Variants in RALGAPA2 observed in about 807,000 individuals in gnomAD.
The protein encoded by RALGAPA2 is ral GTPase-activating protein subunit alpha-2.
Under a neutral mutation model 230.4 loss-of-function variants are expected in RALGAPA2, and 139 were observed. The ratio of observed to expected loss-of-function variants is 0.60; its 90% CI spans 0.53 to 0.69. RALGAPA2 has a LOEUF of 0.69. RALGAPA2 is among the 30% of genes least tolerant of loss of function. The probability of loss-of-function intolerance (pLI) is 0.00; values close to 1 mark genes in which losing one functional copy is unlikely to be tolerated. For synonymous variants in RALGAPA2, 847 were observed against 837.8 expected, an observed-to-expected ratio of 1.01 and a Z score of -0.19; for missense variants, 2,163 against 2,276.0, an observed-to-expected ratio of 0.95 and a Z score of 1.01.
intron 23 of RALGAPA2, among the ~76,000 whole-genome samples, chr20:20,565,492 A>G (rs1242424781): frequency 2.0e-5 from 3 of 152,164 alleles, no homozygotes; most frequent in Non-Finnish European, 4.4e-5. Context: ...GAGGGGCCTC[A>G]TGGGATCTTT....
At chr20:20,704,358 T>C (rs925361618) in intron 1 of RALGAPA2, among the ~76,000 whole-genome samples, 5 of 152,096 alleles carry the variant, frequency 3.3e-5, no homozygotes, top group Non-Finnish European at 7.4e-5. Flanking sequence ...CCTCCAGTTC[T>C]AAAAAAATAT....
chr20:20,399,271 G>A (rs2059782350), intron 38 of RALGAPA2, among the ~76,000 whole-genome samples: 1 of 151,690 alleles, frequency 6.6e-6, no homozygotes, highest in Admixed American at 6.6e-5. Context: ...CGCTTGAACT[G>A]GGGAGGTGGT....
intron 11 of RALGAPA2, 62 bp from the exon 12 acceptor site, chr20:20,619,476 T>C (rs2066256202): frequency 2.5e-6 from 3 of 1,202,666 alleles, no homozygotes; most frequent in Non-Finnish European, 3.2e-6. Flanking sequence ...TGCATTTAAC[T>C]ATAAATATAA....
intron 16 of RALGAPA2, among the ~76,000 whole-genome samples, chr20:20,599,852 A>C (rs1018903576): frequency 6.6e-6 from 1 of 152,136 alleles, no homozygotes; most frequent in Non-Finnish European, 1.5e-5. Flanking sequence ...GCATGCCTGT[A>C]ATCCCAGCTA....
rs1471167451 is a variant in RALGAPA2, at chr20:20,637,680, TCAAAA to T, written c.667-184_667-180del. ...TCAAAAGATGGCAGGAATGAATACT[TCAAAA>T]CAAAACAGTAACTATGTTAAAAACA... On this transcript the variant is annotated intron_variant, in intron 7 of 39. Transcript: ENST00000202677. Among the ~76,000 whole-genome samples the T allele has an allele frequency of 7.2e-5, 11 of 152,216 alleles. No individual in the cohort carries two copies. In the South Asian group the frequency reaches 2.1e-3, roughly 29 times the overall value.
At chr20:20,580,898 T>C (rs1459955633) in intron 20 of RALGAPA2, among the ~76,000 whole-genome samples, 1 of 152,244 alleles carries the variant, frequency 6.6e-6, no homozygotes, top group Admixed American at 6.5e-5. Flanking sequence ...GAAACAAAGA[T>C]ATAATCAAAT....
intron 23 of RALGAPA2, among the ~76,000 whole-genome samples, chr20:20,568,286 A>T (rs1336714020): frequency 6.6e-6 from 1 of 152,248 alleles, no homozygotes; most frequent in Non-Finnish European, 1.5e-5. Context: ...ATCAACCACG[A>T]ACCCATGTTA....
intron 31 of RALGAPA2, among the ~76,000 whole-genome samples, chr20:20,520,437 G>C (rs1468980271): frequency 1.3e-5 from 2 of 152,178 alleles, no homozygotes; most frequent in African/African-American, 2.4e-5. Context: ...GCTATGAGCA[G>C]AGCAAATCTA....
At chr20:20,454,493 T>TG (rs1602413070) in intron 37 of RALGAPA2, among the ~76,000 whole-genome samples, 1 of 152,216 alleles carries the variant, frequency 6.6e-6, no homozygotes, top group East Asian at 1.9e-4. Context: ...TTTGCTTTCT[T>TG]CAGATCAGCC....
At chr20:20,690,995 T>C (rs755657671) in intron 1 of RALGAPA2, among the ~76,000 whole-genome samples, 2 of 152,164 alleles carry the variant, frequency 1.3e-5, no homozygotes, top group Non-Finnish European at 2.9e-5. Context: ...CATTTATATA[T>C]ATGATGCCTG....
At chr20:20,500,389 T>C (rs890559423) in intron 35 of RALGAPA2, among the ~76,000 whole-genome samples, 5 of 152,214 alleles carry the variant, frequency 3.3e-5, no homozygotes, top group African/African-American at 9.7e-5. Flanking sequence ...TCTAAATCTT[T>C]TGTTGTAATT....
At chr20:20,623,124 C>T (rs918510504) in intron 10 of RALGAPA2, among the ~76,000 whole-genome samples, 1 of 152,156 alleles carries the variant, frequency 6.6e-6, no homozygotes, top group African/African-American at 2.4e-5. Context: ...TAAAACCTAA[C>T]AGCAGTTGCT....
intron 3 of RALGAPA2, among the ~76,000 whole-genome samples, chr20:20,661,824 T>G (rs1778078906): frequency 6.6e-6 from 1 of 152,082 alleles, no homozygotes; most frequent in African/African-American, 2.4e-5. Flanking sequence ...CAAAGCAATA[T>G]TAATATCAAG....
intron 10 of RALGAPA2, among the ~76,000 whole-genome samples, chr20:20,621,303 G>T (rs1215788580): frequency 6.6e-6 from 1 of 152,102 alleles, no homozygotes; most frequent in Non-Finnish European, 1.5e-5. Flanking sequence ...TCAGAAATAG[G>T]TTAGAAGGGA....
chr20:20,401,314 G>A (rs969961465), intron 38 of RALGAPA2, among the ~76,000 whole-genome samples: 3 of 152,056 alleles, frequency 2.0e-5, no homozygotes, highest in Non-Finnish European at 4.4e-5. Context: ...AAATCCCCTG[G>A]GGCACCCAGG....
rs970875769 is a variant in RALGAPA2, at chr20:20,391,053, T to G, written c.*2236A>C. On this transcript the variant is annotated 3_prime_UTR_variant, in exon 40 of 40. Transcript: ENST00000202677. Reference sequence around the variant, plus strand: ...TACGATTTCTAAATCCTGACATATCTTTTCTACTAAAGCCAGCAATTCCGC... The same window carrying G: ...TACGATTTCTAAATCCTGACATATCGTTTCTACTAAAGCCAGCAATTCCGC... 5.3e-5 allele frequency: 8 copies of G among 152,198 alleles called. No homozygotes were observed. Among genetic ancestry groups the G allele is most frequent in the Non-Finnish European group, 1.2e-4 (8 of 68,026 alleles). 9.4% of individuals were successfully genotyped at this position (152,198 alleles called of 1,614,324 possible).
At chr20:20,541,723 A>C (rs972696956) in intron 24 of RALGAPA2, among the ~76,000 whole-genome samples, 1 of 152,214 alleles carries the variant, frequency 6.6e-6, no homozygotes, top group African/African-American at 2.4e-5. Flanking sequence ...TGATATCAGA[A>C]AGTGAAACTG....
At chr20:20,661,500 C>T (rs1396997160) in intron 3 of RALGAPA2, among the ~76,000 whole-genome samples, 3 of 152,100 alleles carry the variant, frequency 2.0e-5, no homozygotes, top group Middle Eastern at 3.2e-3. Context: ...AAAAACAATG[C>T]AAATGATATT....
rs2068709331 is a variant in RALGAPA2, at chr20:20,686,599, G to A, written c.107-5798C>T. Reference sequence around the variant, plus strand: ...CACACGGCTGCTGTGATGATAAAATGAGCATATGTAGAATGCTTATAAGAG... The same window carrying A: ...CACACGGCTGCTGTGATGATAAAATAAGCATATGTAGAATGCTTATAAGAG... On this transcript the variant is annotated intron_variant, in intron 1 of 39. Transcript: ENST00000202677. Among the ~76,000 whole-genome samples the A allele has an allele frequency of 2.0e-5, 3 of 151,446 alleles. No individual in the cohort carries two copies. In the South Asian group the frequency reaches 6.3e-4, roughly 32 times the overall value.
Sources: gnomAD v4.1 joint callset for allele counts (sites outside exome capture counted in the v4.1 genomes callset) on GRCh38, gnomAD v4.1.1 for gene constraint, MANE v1.5 for transcripts, NCBI Gene and HGNC (gene_info 2026-07-23, HGNC 2026-07-21) for gene names.